The following SASH1 variants were observed in gnomAD, a reference collection of about 807,000 sequenced individuals.
SASH1 encodes the protein SAM and SH3 domain-containing protein 1.
In SASH1, 44 loss-of-function variants were observed where a neutral mutation model predicts 125.2. The observed-to-expected ratio is 0.35, with a 90% confidence interval of 0.28 to 0.45. SASH1 has a LOEUF of 0.45. SASH1 is among the 20% of genes least tolerant of loss of function. The pLI, the probability that SASH1 is intolerant of heterozygous loss-of-function variation, is 1.00. For synonymous variants in SASH1, 639 were observed against 649.1 expected, an observed-to-expected ratio of 0.98 and a Z score of 0.24; for missense variants, 1,426 against 1,614.5, an observed-to-expected ratio of 0.88 and a Z score of 2.00.
At position 148,531,627 on chromosome 6, in the gene SASH1, T is replaced by A. The variant is rs1428514988; in HGVS notation, c.1530T>A (p.Ser510Arg). ...TCAAGGCCGGGGGTTCTGTAGAAAG[T>A]CTTCGCAGTTCTCTCAGTGGGCAGA... ...PKLKAGGSVE[S>R]LRSSLSGQSS... Residue 510 changes from serine (S) to arginine (R), a missense_variant, in exon 13 of 20, where the codon AGT becomes AGA. By Grantham distance (110) the Ser-to-Arg change is moderately radical (BLOSUM62 -1). This residue lies in a region of SASH1 where 225 missense variants were observed against 344.5 expected (regional missense o/e 0.65). Coordinates refer to ENST00000367467, the MANE Select transcript of SASH1 (RefSeq NM_015278.5). The A allele has an allele frequency of 6.4e-7, 1 of 1,565,714 alleles. No homozygotes were observed. Among genetic ancestry groups the A allele is most frequent in the Non-Finnish European group, 8.6e-7 (1 of 1,157,156 alleles).
chr6:148,222,484 T>C, the SASH1 span, among the ~76,000 whole-genome samples: 1 of 152,030 alleles, frequency 6.6e-6, no homozygotes. Context: ...CCCTGTGCAC[T>C]TCAAATCGCT....
Position 148,532,777 on chromosome 6 carries a change from T to C in SASH1, c.1565-20T>C, listed in dbSNP as rs41288413. 4.3e-6 allele frequency: 7 copies of C among 1,613,476 alleles called. No individual in the cohort carries two copies. The highest frequency in any genetic ancestry group is 2.7e-5 in the African/African-American group (2 of 75,054). On this transcript the variant is annotated intron_variant, in intron 13 of 19. Coordinates refer to ENST00000367467, the MANE Select transcript of SASH1 (RefSeq NM_015278.5). This position sits in a 1 kb window ranked among gnomAD's most constrained non-coding sequence, Gnocchi z 4.7. The stretch of plus-strand genomic sequence containing the variant: ...GGGAAATCTGGATCTACCCGTGTTC[T>C]TCCTATGTTTCCTGTACAGGCGGTC...
chr6:148,264,818 C>T, the SASH1 span, among the ~76,000 whole-genome samples: 9 of 152,342 alleles, frequency 5.9e-5, no homozygotes, highest in East Asian at 3.9e-4. Flanking sequence ...TCCATCTCGA[C>T]CCCCTGTTGG....
intron 1 of SASH1, among the ~76,000 whole-genome samples, chr6:148,385,395 T>C (rs1466293736): frequency 6.6e-6 from 1 of 152,262 alleles, no homozygotes; most frequent in Non-Finnish European, 1.5e-5. Context: ...TGGCTTGTTG[T>C]TGGTTTTATG....
At chr6:148,547,459 A>G (rs1782638633) in intron 19 of SASH1, among the ~76,000 whole-genome samples, 1 of 152,180 alleles carries the variant, frequency 6.6e-6, no homozygotes, top group Non-Finnish European at 1.5e-5. Context: ...TTCAGGCTGT[A>G]GAAAGCAAAA....
chr6:148,199,674 G>A, the SASH1 span, among the ~76,000 whole-genome samples: 1 of 152,090 alleles, frequency 6.6e-6, no homozygotes, highest in South Asian at 2.1e-4. Flanking sequence ...TCCAGCCTGG[G>A]TGACAGAGCA....
chr6:148,311,967 A>G (rs1007308449), intron 1 of SASH1, among the ~76,000 whole-genome samples: 18 of 152,242 alleles, frequency 1.2e-4, no homozygotes, highest in Non-Finnish European at 1.9e-4. Context: ...AATAAAAAGC[A>G]AGAAACTTCT....
intron 6 of SASH1, among the ~76,000 whole-genome samples, chr6:148,472,699 G>A (rs1167341284): frequency 6.6e-6 from 1 of 152,162 alleles, no homozygotes; most frequent in African/African-American, 2.4e-5. Flanking sequence ...AACTTGAGGA[G>A]TATTTTTGGA....
In SASH1 at chr6:148,460,610, G is replaced by A. The variant is rs577990178; in HGVS notation, c.387-7935G>A. On this transcript the variant is annotated intron_variant, in intron 4 of 19. Transcript: ENST00000367467. ...TTGATGTAAGTGCCTATATTGAAAA[G>A]CTATGCAACATCAATGACAAATTAT... Among the ~76,000 whole-genome samples the A allele has an allele frequency of 5.3e-5, 8 of 152,270 alleles. No individual in the cohort carries two copies. In the East Asian group the frequency reaches 9.7e-4, roughly 18 times the overall value.
chr6:148,261,541 A>G, the SASH1 span, among the ~76,000 whole-genome samples: 1 of 152,206 alleles, frequency 6.6e-6, no homozygotes, highest in Non-Finnish European at 1.5e-5. Flanking sequence ...CAGCCTTAGC[A>G]AAGGATTTCT....
chr6:148,356,731 A>G (rs1781961741), intron 1 of SASH1, among the ~76,000 whole-genome samples: 1 of 152,182 alleles, frequency 6.6e-6, no homozygotes, highest in African/African-American at 2.4e-5. Context: ...CTAGGATTAC[A>G]GTGTGAGCCA....
intron 1 of SASH1, among the ~76,000 whole-genome samples, chr6:148,276,412 A>G (rs1205660573): frequency 6.6e-6 from 1 of 152,186 alleles, no homozygotes; most frequent in Non-Finnish European, 1.5e-5. Flanking sequence ...TTGAGGCAGC[A>G]TGTCAGTAGG....
At chr6:148,527,647 G>A (rs774003713) in intron 12 of SASH1, 51 bp downstream of exon 12, 1 of 1,543,358 alleles carries the variant, frequency 6.5e-7, no homozygotes, top group Non-Finnish European at 8.8e-7. Context: ...GACAAGAAAA[G>A]CTGAGAATGG....
At position 148,551,022 on chromosome 6, in the gene SASH1, C is replaced by T. The variant is rs1782849148; in HGVS notation, c.*2464C>T. On this transcript the variant is annotated 3_prime_UTR_variant, in exon 20 of 20. Coordinates refer to ENST00000367467, the MANE Select transcript of SASH1 (RefSeq NM_015278.5). ...ATCACACTTCTTTGGAAATCAATGC[C>T]TTTGCATAGAAAATCAAATTCAGGG... 1 of 152,582 alleles carries T rather than the reference C, an allele frequency of 6.6e-6. No homozygotes were observed. The highest frequency in any genetic ancestry group is 1.5e-5 in the Non-Finnish European group (1 of 68,032). 9.5% of individuals were successfully genotyped at this position (152,582 alleles called of 1,614,324 possible). A position where few individuals can be genotyped will look rare whatever the true frequency, so the allele number is the denominator to read the frequency against.
At chr6:148,307,056 C>G (rs1271320313) in intron 1 of SASH1, among the ~76,000 whole-genome samples, 1 of 145,574 alleles carries the variant, frequency 6.9e-6, no homozygotes, top group Non-Finnish European at 1.5e-5. Flanking sequence ...TTCTTTCTTT[C>G]TTTCTTTCTT....
the SASH1 span, among the ~76,000 whole-genome samples, chr6:148,266,582 A>G: frequency 6.6e-6 from 1 of 152,112 alleles, no homozygotes; most frequent in Non-Finnish European, 1.5e-5. Context: ...CCAACGTAAG[A>G]GAAGCTCTAG....
intron 5 of SASH1, among the ~76,000 whole-genome samples, chr6:148,470,566 C>G (rs940359480): frequency 2.0e-5 from 3 of 152,238 alleles, no homozygotes; most frequent in African/African-American, 7.2e-5. Flanking sequence ...TCTCCCCTTT[C>G]GCTTTGCTTT....
chr6:148,535,736 A>G (rs886407147), intron 16 of SASH1, among the ~76,000 whole-genome samples: 2 of 152,222 alleles, frequency 1.3e-5, no homozygotes, highest in African/African-American at 4.8e-5. Flanking sequence ...GCCATCAGAA[A>G]TATTCCTGAA....
intron 1 of SASH1, among the ~76,000 whole-genome samples, chr6:148,378,620 G>A (rs1783009160): frequency 6.6e-6 from 1 of 152,192 alleles, no homozygotes; most frequent in African/African-American, 2.4e-5. Flanking sequence ...TTAAAGTGCT[G>A]TGATTATCAG....
Sources: allele counts gnomAD v4.1 joint callset (sites outside exome capture counted in the v4.1 genomes callset), GRCh38; gene constraint gnomAD v4.1.1; regional missense constraint gnomAD v4.1.1; non-coding constraint Gnocchi (gnomAD v3.1); transcripts MANE v1.5; gene names NCBI Gene and HGNC (gene_info 2026-07-23, HGNC 2026-07-21).